Variants in ANAPC10 observed in about 807,000 individuals in gnomAD.
The protein encoded by ANAPC10 is anaphase-promoting complex subunit 10.
Under a neutral mutation model 22.0 loss-of-function variants are expected in ANAPC10, and 12 were observed. That is an observed-to-expected ratio of 0.55 (90% CI 0.35 to 0.88). The LOEUF is 0.88. ANAPC10 is among the 40% of genes least tolerant of loss of function. The pLI, the probability that ANAPC10 is intolerant of heterozygous loss-of-function variation, is 0.01. For synonymous variants in ANAPC10, 65 were observed against 69.5 expected (o/e 0.94, Z 0.32); for missense variants, 188 against 220.9 (o/e 0.85, Z 0.94).
intron 4 of ANAPC10, among the ~76,000 whole-genome samples, chr4:145,000,080 G>A (rs542910657): frequency 6.6e-5 from 10 of 152,254 alleles, no homozygotes; most frequent in Admixed American, 3.9e-4. Context: ...TTAAATGTTA[G>A]ACCTAAAACC....
chr4:145,097,473 T>C (rs983610332), intron 1 of ANAPC10: 5 of 1,286,986 alleles, frequency 3.9e-6, no homozygotes, highest in South Asian at 2.5e-5. Context: ...CTATTCAAAA[T>C]AGGTGCAATA....
intron 4 of ANAPC10, among the ~76,000 whole-genome samples, chr4:145,044,222 T>TTA (rs1739944163): frequency 6.6e-6 from 1 of 152,066 alleles, no homozygotes; most frequent in Admixed American, 6.6e-5. Flanking sequence ...ATCATACTCA[T>TTA]TATAGCAATG....
chr4:145,068,620 G>T (rs1467849023), intron 3 of ANAPC10, among the ~76,000 whole-genome samples: 1 of 152,148 alleles, frequency 6.6e-6, no homozygotes, highest in Non-Finnish European at 1.5e-5. Context: ...GTATAAAAGT[G>T]AAAAATGGGG....
At chr4:145,055,282 G>A (rs745497225) in intron 4 of ANAPC10, among the ~76,000 whole-genome samples, 30 of 152,322 alleles carry the variant, frequency 2.0e-4, no homozygotes, top group Middle Eastern at 6.8e-3. Context: ...AAGGAGGCCA[G>A]TGAGGTAGCT....
At chr4:145,013,439 C>T (rs1734658553) in intron 4 of ANAPC10, among the ~76,000 whole-genome samples, 1 of 151,998 alleles carries the variant, frequency 6.6e-6, no homozygotes, top group Non-Finnish European at 1.5e-5. Context: ...ACTGTCATCT[C>T]ATTATATGAA....
chr4:145,056,087 G>A (rs1367631800), intron 4 of ANAPC10, among the ~76,000 whole-genome samples: 1 of 152,164 alleles, frequency 6.6e-6, no homozygotes, highest in African/African-American at 2.4e-5. Context: ...AATACGAGCT[G>A]GGTAAAATGA....
At chr4:145,016,852 C>G (rs1255765979) in intron 4 of ANAPC10, among the ~76,000 whole-genome samples, 2 of 152,060 alleles carry the variant, frequency 1.3e-5, no homozygotes, top group African/African-American at 4.8e-5. Context: ...ACAAACCTGA[C>G]AAAAACAAGA....
intron 4 of ANAPC10, among the ~76,000 whole-genome samples, chr4:145,040,065 T>C (rs1739268134): frequency 6.6e-6 from 1 of 152,070 alleles, no homozygotes; most frequent in Non-Finnish European, 1.5e-5. Context: ...TAATGAAAAC[T>C]CTTAATTTCA....
At chr4:145,043,065 AAG>A (rs1739752672) in intron 4 of ANAPC10, among the ~76,000 whole-genome samples, 2 of 152,104 alleles carry the variant, frequency 1.3e-5, no homozygotes. Context: ...ACCTCACACA[AAG>A]TTTTTTTTTT....
chr4:145,068,800 C>G (rs2126502168), intron 3 of ANAPC10, among the ~76,000 whole-genome samples: 1 of 152,218 alleles, frequency 6.6e-6, no homozygotes, highest in East Asian at 1.9e-4. Flanking sequence ...GTACCAGCTA[C>G]TTGGGAGGCT....
chr4:145,079,377 A>T (rs1443863964), intron 3 of ANAPC10, among the ~76,000 whole-genome samples: 2 of 152,212 alleles, frequency 1.3e-5, no homozygotes, highest in African/African-American at 4.8e-5. Context: ...AAAAAAAAAT[A>T]ACAGATGCTG....
intron 3 of ANAPC10, among the ~76,000 whole-genome samples, chr4:145,068,564 G>C (rs1465231693): frequency 1.3e-5 from 2 of 152,212 alleles, no homozygotes; most frequent in Admixed American, 1.3e-4. Context: ...GTTTAAATCA[G>C]AAGCAAATAT....
At chr4:145,087,468 T>G (rs571236210) in intron 2 of ANAPC10, among the ~76,000 whole-genome samples, 1 of 152,158 alleles carries the variant, frequency 6.6e-6, no homozygotes, top group African/African-American at 2.4e-5. Flanking sequence ...GCTAGGGGGC[T>G]ATTTTAACTG....
chr4:145,094,899 C>T (rs1358667947), intron 2 of ANAPC10, among the ~76,000 whole-genome samples: 3 of 151,662 alleles, frequency 2.0e-5, no homozygotes, highest in Admixed American at 6.6e-5. Flanking sequence ...AAAAGGACTG[C>T]CACCCAAGAA....
In ANAPC10 at chr4:145,097,362, A is replaced by C. The variant is rs1186648645; in HGVS notation, c.-13+758T>G. 1.2e-5 allele frequency: 7 copies of C among 605,766 alleles called. No homozygotes were observed. The East Asian group carries it at 4.8e-4, about 42-fold the overall frequency. 37.5% of individuals were successfully genotyped at this position (605,766 alleles called of 1,614,324 possible). ...TTCACATCTTTTGTTAATTTTACTA[A>C]GTCTATTCATATGTGAAAAAACACT... is the stretch of plus-strand genomic sequence containing the variant. On this transcript the variant is annotated intron_variant, in intron 1 of 4. Transcript: ENST00000507656.
intron 2 of ANAPC10, among the ~76,000 whole-genome samples, chr4:145,088,660 A>G (rs1347355041): frequency 6.6e-6 from 1 of 152,198 alleles, no homozygotes; most frequent in Admixed American, 6.5e-5. Flanking sequence ...ATAAATTACT[A>G]TAACATCATT....
At chr4:144,999,983 G>A (rs1578857098) in intron 4 of ANAPC10, among the ~76,000 whole-genome samples, 2 of 152,292 alleles carry the variant, frequency 1.3e-5, no homozygotes, top group South Asian at 4.1e-4. Context: ...ATGGTGCTGG[G>A]AAAACTGGCT....
intron 4 of ANAPC10, chr4:145,035,053 A>C (rs188760710): frequency 3.3e-5 from 5 of 152,544 alleles, no homozygotes; most frequent in African/African-American, 1.2e-4. Context: ...AGTCTAAAGT[A>C]CATTTCTCAA....
At chr4:145,022,502 G>T (rs981363541) in intron 4 of ANAPC10, among the ~76,000 whole-genome samples, 8 of 151,922 alleles carry the variant, frequency 5.3e-5, no homozygotes, top group African/African-American at 1.9e-4. Context: ...AATGGACTTT[G>T]GGGACTTGGG....
Sources: gnomAD v4.1 joint callset for allele counts (sites outside exome capture counted in the v4.1 genomes callset) on GRCh38, gnomAD v4.1.1 for gene constraint, MANE v1.5 for transcripts, NCBI Gene and HGNC (gene_info 2026-07-23, HGNC 2026-07-21) for gene names.